NDE1: variants seen among roughly 807,000 people sequenced by gnomAD.
The protein encoded by NDE1 is nuclear distribution protein nudE homolog 1.
In NDE1, 28 loss-of-function variants were observed where a neutral mutation model predicts 43.4. The ratio of observed to expected loss-of-function variants is 0.65; its 90% CI spans 0.48 to 0.89. The LOEUF (loss-of-function observed/expected upper bound fraction) is 0.89, where lower values mean the gene tolerates loss of function less well. Among genes scored for constraint, NDE1 ranks in the 40% least tolerant of loss-of-function variants. NDE1 has a pLI of 0.00. For missense variants in NDE1, 441 were observed against 434.1 expected, an observed-to-expected ratio of 1.02 and a Z score of -0.14; for synonymous variants, 184 against 172.0, an observed-to-expected ratio of 1.07 and a Z score of -0.55.
chr16:15,693,824 C>T (rs183901866), intron 6 of NDE1, among the ~76,000 whole-genome samples: 2 of 152,274 alleles, frequency 1.3e-5, no homozygotes, highest in Admixed American at 1.3e-4. Flanking sequence ...GCTATAATCC[C>T]AGCTACTCAA....
In NDE1 at chr16:15,726,006, GTC is replaced by G. The variant is rs752697366; in HGVS notation, c.*1762_*1763del. 1.1e-5 allele frequency: 3 copies of G among 284,814 alleles called. No individual in the cohort carries two copies. Among genetic ancestry groups the G allele is most frequent in the Non-Finnish European group, 1.9e-5 (3 of 154,766 alleles). 17.6% of individuals were successfully genotyped at this position (284,814 alleles called of 1,614,324 possible). On this transcript the variant is annotated 3_prime_UTR_variant, in exon 9 of 9. Transcript: ENST00000396354. The stretch of plus-strand genomic sequence containing the variant: ...GGCACTCCAGCTCTACTGGCTGTAT[GTC>G]TCTCTCCTAATTTTTCTACTTACCA...
At chr16:15,655,472 G>A (rs1179372570) in intron 1 of NDE1, among the ~76,000 whole-genome samples, 1 of 152,144 alleles carries the variant, frequency 6.6e-6, no homozygotes, top group Non-Finnish European at 1.5e-5. Context: ...AATGGCAAAG[G>A]CAAAAATCTT....
At chr16:15,706,672 A>T (rs2039473595) in intron 8 of NDE1, among the ~76,000 whole-genome samples, 2 of 151,680 alleles carry the variant, frequency 1.3e-5, no homozygotes, top group South Asian at 2.1e-4. Flanking sequence ...GTGCCACTGC[A>T]CTCCAGCCTG....
intron 3 of NDE1, among the ~76,000 whole-genome samples, chr16:15,669,746 C>A (rs2037497943): frequency 6.6e-6 from 1 of 151,774 alleles, no homozygotes; most frequent in African/African-American, 2.4e-5. Flanking sequence ...CCGCCCGCCT[C>A]AGCCTCCCAA....
rs1302357087 is a variant in NDE1, at chr16:15,709,769, AG to A, written c.947+12911del. Among the ~76,000 whole-genome samples, 89 of 152,332 alleles carry A rather than the reference AG, an allele frequency of 5.8e-4. 1 individual carries two copies. The highest frequency in any genetic ancestry group is 2.0e-3 in the African/African-American group (85 of 41,580). On this transcript the variant is annotated intron_variant, in intron 8 of 8. Coordinates refer to ENST00000396354, the MANE Select transcript of NDE1 (RefSeq NM_017668.3). ...GTTGGAACAGAAGCCAAGAAGTCCC[AG>A]GCAAGGAACCTGCAGCCGCCTGTCC...
At chr16:15,717,089 GCT>G in intron 8 of NDE1, 1 of 1,583,492 alleles carries the variant, frequency 6.3e-7, no homozygotes, top group Non-Finnish European at 8.7e-7. Context: ...TATGACTCCT[GCT>G]GTCCATCACC....
chr16:15,717,708 A>G (rs1199569341), intron 8 of NDE1: 14 of 356,564 alleles, frequency 3.9e-5, no homozygotes, highest in Non-Finnish European at 7.4e-5. Flanking sequence ...AAGCAGGAGA[A>G]TCCCTTGAAC....
In NDE1 at chr16:15,687,398, A is replaced by T; in HGVS notation, c.410A>T (p.Asp137Val). 1 of 1,614,160 alleles carries T rather than the reference A, an allele frequency of 6.2e-7. No individual in the cohort carries two copies. The change falls in exon 5 of 9, where the codon GAC becomes GTC. Residue 137 changes from aspartate to valine, a missense_variant. Transcript: ENST00000396354. The part of the protein sequence containing the change: ...AKRATIMSLE[D>V]FEQRLNQAIE... ...AGCGCCACGATCATGTCTCTCGAAG[A>T]CTTTGAGCAGCGCTTGAATCAGGCC...
intron 4 of NDE1, among the ~76,000 whole-genome samples, chr16:15,685,304 G>T (rs1248131839): frequency 6.6e-6 from 1 of 152,136 alleles, no homozygotes; most frequent in East Asian, 1.9e-4. Context: ...ACCCAGGCTG[G>T]AGTGCAGTGG....
intron 4 of NDE1, among the ~76,000 whole-genome samples, chr16:15,679,034 G>A (rs751511493): frequency 6.6e-6 from 1 of 152,036 alleles, no homozygotes; most frequent in Non-Finnish European, 1.5e-5. Flanking sequence ...CCGAGATTGC[G>A]CCACTGCACT....
intron 8 of NDE1, among the ~76,000 whole-genome samples, chr16:15,707,896 CA>C (rs1416704620): frequency 1.3e-5 from 2 of 150,398 alleles, no homozygotes; most frequent in African/African-American, 4.9e-5. Flanking sequence ...CGCTTGAACC[CA>C]GGAGGCAAAG....
At chr16:15,669,618 C>T (rs1277974752) in intron 3 of NDE1, among the ~76,000 whole-genome samples, 3 of 151,748 alleles carry the variant, frequency 2.0e-5, no homozygotes, top group Non-Finnish European at 4.4e-5. Flanking sequence ...CCTTAGCCTC[C>T]CAAAGTGCTG....
chr16:15,660,731 A>C (rs568599179), intron 1 of NDE1, among the ~76,000 whole-genome samples: 4 of 152,044 alleles, frequency 2.6e-5, no homozygotes, highest in African/African-American at 9.7e-5. Context: ...AGCCTTGTGG[A>C]TATTTTCCAG....
intron 8 of NDE1, among the ~76,000 whole-genome samples, chr16:15,698,008 G>A (rs2039088981): frequency 6.6e-6 from 1 of 151,808 alleles, no homozygotes; most frequent in East Asian, 1.9e-4. Flanking sequence ...GGGTTTCACT[G>A]TGTTAGGATG....
intron 8 of NDE1, chr16:15,715,305 C>A: frequency 6.2e-7 from 1 of 1,608,534 alleles, no homozygotes; most frequent in Non-Finnish European, 8.5e-7. Flanking sequence ...GTGGTTTCAG[C>A]GGAGGGTGGC....
In NDE1 at chr16:15,704,574, C is replaced by T. The variant is rs142777165; in HGVS notation, c.947+7714C>T. Among the ~76,000 whole-genome samples, 375 of 152,310 alleles carry T rather than the reference C, an allele frequency of 2.5e-3. 3 individuals are homozygous for T. Among genetic ancestry groups the T allele is most frequent in the African/African-American group, 8.3e-3 (343 of 41,568 alleles). ...ACATACTGTTTTTCTTCTGTATCTC[C>T]TCACCCCCATTCGCCTTAGAGGTGA... On this transcript the variant is annotated intron_variant, in intron 8 of 8. Coordinates refer to ENST00000396354, the MANE Select transcript of NDE1 (RefSeq NM_017668.3).
intron 1 of NDE1, among the ~76,000 whole-genome samples, chr16:15,655,781 A>G (rs1255589564): frequency 1.3e-5 from 2 of 152,008 alleles, no homozygotes; most frequent in African/African-American, 2.4e-5. Flanking sequence ...CATATACACC[A>G]TGGAATACTA....
intron 8 of NDE1, chr16:15,699,873 T>G: frequency 7.6e-7 from 1 of 1,309,762 alleles, no homozygotes. Flanking sequence ...GTCGTTACCT[T>G]TTGTCGTCTT....
chr16:15,721,939 C>T (rs564138733), intron 8 of NDE1, among the ~76,000 whole-genome samples: 3 of 152,124 alleles, frequency 2.0e-5, no homozygotes, highest in African/African-American at 7.2e-5. Flanking sequence ...TTCACTGCAA[C>T]CTCCGCCTCG....
Sources: allele counts gnomAD v4.1 joint callset (sites outside exome capture counted in the v4.1 genomes callset), GRCh38; gene constraint gnomAD v4.1.1; transcripts MANE v1.5; gene names NCBI Gene and HGNC (gene_info 2026-07-23, HGNC 2026-07-21).